Variants in CASZ1 observed in about 807,000 individuals in gnomAD.
CASZ1 encodes the protein zinc finger protein castor homolog 1.
Under a neutral mutation model 135.2 loss-of-function variants are expected in CASZ1, and 28 were observed. The ratio of observed to expected loss-of-function variants is 0.21; its 90% confidence interval spans 0.15 to 0.28. The LOEUF (loss-of-function observed/expected upper bound fraction) is 0.28, where lower values mean the gene tolerates loss of function less well. CASZ1 is among the 10% of genes least tolerant of loss of function. The pLI is 1.00. For missense variants in CASZ1, 2,161 were observed against 2,453.3 expected, an observed-to-expected ratio of 0.88 and a Z score of 2.52; for synonymous variants, 1,068 against 1,073.4, an observed-to-expected ratio of 0.99 and a Z score of 0.10.
At chr1:10,652,141 C>A (rs201079376) in intron 11 of CASZ1, 1 of 152,186 alleles carries the variant, frequency 6.6e-6, no homozygotes, top group Non-Finnish European at 1.5e-5. Flanking sequence ...CCCAGGAAAA[C>A]GGCCCAGCTC....
At chr1:10,645,297 G>A (rs564170061) in intron 17 of CASZ1, among the ~76,000 whole-genome samples, 2 of 152,330 alleles carry the variant, frequency 1.3e-5, no homozygotes, top group Non-Finnish European at 2.9e-5. Flanking sequence ...TTGGGAGGCC[G>A]AGGTGGGCGG....
rs940336308 is a variant in CASZ1, at chr1:10,717,986, G to A, written c.-76-12442C>T. ...GGGACGGGCCGAGGGGGCTACGGAGGCCCATTCAACACTGGGCAGACACAC... is the reference window on the plus strand; with the variant it reads ...GGGACGGGCCGAGGGGGCTACGGAGACCCATTCAACACTGGGCAGACACAC... On this transcript the variant is annotated intron_variant, in intron 2 of 20. Coordinates refer to ENST00000377022, the MANE Select transcript of CASZ1 (RefSeq NM_001079843.3). This position sits in a 1 kb window ranked among gnomAD's most constrained non-coding sequence, Gnocchi z 4.6. Among the ~76,000 whole-genome samples, 21 of 152,244 alleles carry A rather than the reference G, an allele frequency of 1.4e-4. No homozygotes were observed. The highest frequency in any genetic ancestry group is 1.0e-4 in the Non-Finnish European group (7 of 68,040).
intron 13 of CASZ1, chr1:10,650,422 G>A: frequency 3.1e-6 from 1 of 326,322 alleles, no homozygotes; most frequent in Non-Finnish European, 5.5e-6. Context: ...CGAAGTTGAA[G>A]GGCTCTGGAA....
chr1:10,792,330 CCCCCCCCCCCGG>C (rs1183350037), intron 1 of CASZ1, among the ~76,000 whole-genome samples: 9 of 26,174 alleles, frequency 3.4e-4, no homozygotes, highest in Admixed American at 5.5e-4. Context: ...CCCCCCCGCC[CCCCCCCCCCCGG>C]CCCCGCACAC....
At chr1:10,685,881 C>T (rs994915597) in intron 4 of CASZ1, among the ~76,000 whole-genome samples, 4 of 152,240 alleles carry the variant, frequency 2.6e-5, no homozygotes, top group Admixed American at 6.5e-5. Context: ...GAGAGAGGCA[C>T]GTGCCCCTGG....
rs1491346175 is a variant in CASZ1, at chr1:10,639,091, CGT to C, written c.5129_5130del (p.Asp1710GlyfsTer116). ...DDDDEDDDEDDDDEDLRTDSE... is the reference protein window; with the variant it reads ...DDDDEDDDEDXDDEDLRTDSE... ...GAGTCGGTGCGCAGGTCCTCGTCGT[CGT>C]CGTCCTCGTCGTCGTCCTCGTCGTC... On this transcript the variant is annotated frameshift_variant, in exon 21 of 21. Transcript: ENST00000377022. LOFTEE classifies it high-confidence loss of function. The surrounding 1 kb of genome is among the most constrained non-coding windows in gnomAD (Gnocchi z 4.0). 194 of 1,133,804 alleles carry C rather than the reference CGT, an allele frequency of 1.7e-4. No homozygotes were observed. Among genetic ancestry groups the C allele is most frequent in the Non-Finnish European group, 2.0e-4 (177 of 898,458 alleles). 70.2% of individuals were successfully genotyped at this position (1,133,804 alleles called of 1,614,324 possible).
At position 10,643,000 on chromosome 1, in the gene CASZ1, C is replaced by T. The variant is rs778124789; in HGVS notation, c.4021G>A (p.Gly1341Ser). ...TCAGCATCCATCAGGCCTGGGGGGCCCTGAAAGGACACGGGGGTCCCTGAG... is the reference window on the plus strand; with the variant it reads ...TCAGCATCCATCAGGCCTGGGGGGCTCTGAAAGGACACGGGGGTCCCTGAG... ...KNFDRVPPSQ[G>S]PPGLMDAETD... Residue 1341 changes from glycine to serine, a missense_variant and splice_region_variant, in exon 20 of 21, where the codon GGC becomes AGC. Gly to Ser is a moderately conservative substitution (Grantham distance 56, BLOSUM62 0). Coordinates refer to ENST00000377022, the MANE Select transcript of CASZ1 (RefSeq NM_001079843.3). The T allele has an allele frequency of 1.2e-6, 2 of 1,611,954 alleles. No homozygotes were observed. The highest frequency in any genetic ancestry group is 1.7e-6 in the Non-Finnish European group (2 of 1,179,274).
At chr1:10,655,868 C>T (rs1170306614) in intron 8 of CASZ1, 55 bp from the exon 9 acceptor site, 16 of 1,576,656 alleles carry the variant, frequency 1.0e-5, no homozygotes, top group Non-Finnish European at 1.3e-5. Flanking sequence ...TCCGCCCTTC[C>T]TCCCATATGC....
rs1005319344 is a variant in CASZ1 at position 10,719,128 on chromosome 1, G to C, written c.-76-13584C>G. ...GTGGGGTTTCCAACCATGTTGGCCA[G>C]ACTAGTCTCGAACTCCTGACCTCAA... On this transcript the variant is annotated intron_variant, in intron 2 of 20. Coordinates refer to ENST00000377022, the MANE Select transcript of CASZ1 (RefSeq NM_001079843.3). The surrounding 1 kb of genome is among the most constrained non-coding windows in gnomAD (Gnocchi z 4.0). Among the ~76,000 whole-genome samples, 2 of 152,062 alleles carry C rather than the reference G, an allele frequency of 1.3e-5. No homozygotes were observed. Among genetic ancestry groups the C allele is most frequent in the Non-Finnish European group, 2.9e-5 (2 of 68,010 alleles).
intron 2 of CASZ1, among the ~76,000 whole-genome samples, chr1:10,742,455 T>C (rs1324182426): frequency 2.0e-5 from 3 of 152,132 alleles, no homozygotes; most frequent in Admixed American, 6.5e-5. Context: ...CAGGCAGAGA[T>C]TCCAGCCAGG....
intron 4 of CASZ1, among the ~76,000 whole-genome samples, chr1:10,667,603 C>T (rs114893154): frequency 2.6e-5 from 4 of 152,170 alleles, no homozygotes; most frequent in African/African-American, 4.8e-5. Context: ...TCCGGGGAAG[C>T]GGGCCTCACC....
intron 1 of CASZ1, among the ~76,000 whole-genome samples, chr1:10,786,648 T>C (rs75932525): frequency 8.5e-5 from 13 of 152,204 alleles, no homozygotes; most frequent in Admixed American, 6.5e-5. Context: ...GCCCATTTCA[T>C]AGATGAGGCA....
rs61776294 is a variant in CASZ1 at position 10,648,512 on chromosome 1, C to T, written c.3159-373G>A. On this transcript the variant is annotated intron_variant, in intron 15 of 20. Transcript: ENST00000377022. ...TCACAGCAGGCTTCCCCGCGGGCTA[C>T]GGCCGAGGGTGCCTACGCGGTCGGA... 3.8e-3 allele frequency: 868 copies of T among 230,314 alleles called. 3 individuals are homozygous for T. Among genetic ancestry groups the T allele is most frequent in the Non-Finnish European group, 5.6e-3 (652 of 117,420 alleles). 14.3% of individuals were successfully genotyped at this position (230,314 alleles called of 1,614,324 possible).
chr1:10,753,835 T>C (rs1640195023), intron 2 of CASZ1, among the ~76,000 whole-genome samples: 1 of 152,206 alleles, frequency 6.6e-6, no homozygotes, highest in Non-Finnish European at 1.5e-5. Flanking sequence ...TCTTGTTTTT[T>C]AATAAAGAGC....
intron 7 of CASZ1, 109 bp downstream of exon 7, chr1:10,658,399 C>G (rs1319662902): frequency 3.6e-6 from 3 of 839,158 alleles, no homozygotes; most frequent in South Asian, 3.0e-5. Context: ...TGGGAGGAGG[C>G]AGCTACCTTG....
rs1300137102 is a variant in CASZ1, at chr1:10,711,302, G to A, written c.-76-5758C>T. 6.6e-6 allele frequency among the ~76,000 whole-genome samples: 1 copy of A among 152,200 alleles called. No homozygotes were observed. The highest frequency in any genetic ancestry group is 1.5e-5 in the Non-Finnish European group (1 of 68,040). On this transcript the variant is annotated intron_variant, in intron 2 of 20. Coordinates refer to ENST00000377022, the MANE Select transcript of CASZ1 (RefSeq NM_001079843.3). This position sits in a 1 kb window ranked among gnomAD's most constrained non-coding sequence, Gnocchi z 4.4. ...GGGGCCCATGAGTACCTAGCTCAAAGGAAGTTCATTCAGTATTTCTTGGGC... is the reference window on the plus strand; with the variant it reads ...GGGGCCCATGAGTACCTAGCTCAAAAGAAGTTCATTCAGTATTTCTTGGGC...
At chr1:10,651,330 AGGGGGCTGGGGT>A (rs1642576078) in intron 11 of CASZ1, 1 of 2,842 alleles carries the variant, frequency 3.5e-4, no homozygotes, top group South Asian at 9.3e-3. Flanking sequence ...GAGGCTGGGG[AGGGGGCTGGGGT>A]GGGGGCGGGG....
intron 1 of CASZ1, among the ~76,000 whole-genome samples, chr1:10,780,233 G>T (rs1392351804): frequency 6.6e-6 from 1 of 152,216 alleles, no homozygotes; most frequent in Non-Finnish European, 1.5e-5. Flanking sequence ...AGGAGAGGAG[G>T]TCATTCGGGA....
intron 20 of CASZ1, chr1:10,642,191 G>C (rs1232718501): frequency 3.3e-5 from 5 of 150,428 alleles, no homozygotes; most frequent in Admixed American, 3.3e-4. Context: ...AGGCAGGGGA[G>C]GGGGGGGAGG....
Sources: gnomAD v4.1 joint callset for allele counts (sites outside exome capture counted in the v4.1 genomes callset) on GRCh38, gnomAD v4.1.1 for gene constraint, Gnocchi (gnomAD v3.1) non-coding constraint, MANE v1.5 for transcripts, NCBI Gene and HGNC (gene_info 2026-07-23, HGNC 2026-07-21) for gene names.